Variants in TF observed in about 807,000 individuals in gnomAD.
TF encodes transferrin.
TF carries 55 observed loss-of-function variants against 82.4 expected under a neutral mutation model. The observed-to-expected ratio is 0.67, with a 90% confidence interval of 0.54 to 0.84. TF has a LOEUF of 0.84. Among genes scored for constraint, TF ranks in the 40% least tolerant of loss-of-function variants. The pLI is 0.00. For missense variants in TF, 737 were observed against 868.4 expected (o/e 0.85, Z 1.90); for synonymous variants, 332 against 332.6 (o/e 1.00, Z 0.02).
intron 8 of TF, among the ~76,000 whole-genome samples, chr3:133,758,932 G>C (rs1387586233): frequency 2.0e-5 from 3 of 152,176 alleles, no homozygotes; most frequent in South Asian, 2.1e-4. Context: ...AGGTCATATA[G>C]TGCCCAGAGG....
the TF span, among the ~76,000 whole-genome samples, chr3:133,687,997 G>A: frequency 4.6e-5 from 7 of 152,062 alleles, no homozygotes. Flanking sequence ...ACTTTTGGTG[G>A]AATCTTTTGG....
the TF span, among the ~76,000 whole-genome samples, chr3:133,697,490 C>T: frequency 6.6e-6 from 1 of 152,204 alleles, no homozygotes; most frequent in Admixed American, 6.5e-5. Context: ...AACATCCTCA[C>T]TTTATGGAAA....
the TF span, among the ~76,000 whole-genome samples, chr3:133,675,535 C>T: frequency 6.6e-6 from 1 of 152,160 alleles, no homozygotes; most frequent in Admixed American, 6.5e-5. Context: ...TTGGAGGTTT[C>T]ATAGAAAGGA....
chr3:133,670,491 C>T, the TF span, among the ~76,000 whole-genome samples: 9 of 152,286 alleles, frequency 5.9e-5, no homozygotes, highest in Middle Eastern at 0.014. Flanking sequence ...CCAGTACACA[C>T]GAAGTTTTCA....
chr3:133,777,933 CAGTTAGTCTTTCCACAGG>C (rs1457660099), intron 16 of TF: 3 of 157,148 alleles, frequency 1.9e-5, no homozygotes, highest in Non-Finnish European at 4.2e-5. Flanking sequence ...TGGTGTAGGG[CAGTTAGTCTTTCCACAGG>C]AGTATGCAGA....
chr3:133,736,549 C>T, the TF span, among the ~76,000 whole-genome samples: 1 of 147,602 alleles, frequency 6.8e-6, no homozygotes, highest in East Asian at 2.0e-4. Context: ...GTGCTGTATT[C>T]AGGAGACCCA....
rs75839677 is a variant in TF, at chr3:133,754,681, C to A, written c.502+10C>A. 209 of 1,614,084 alleles carry A rather than the reference C, an allele frequency of 1.3e-4. No homozygotes were observed. The East Asian group carries it at 4.6e-3, about 36-fold the overall frequency. ...AAACCTCTTGAGAAAGGTAAGCTGG[C>A]AGGAGTCTGGGTGCCCTCGAGCAGC... On this transcript the variant is annotated intron_variant, in intron 4 of 16. Coordinates refer to ENST00000402696, the MANE Select transcript of TF (RefSeq NM_001063.4).
At chr3:133,690,472 A>C in the TF span, among the ~76,000 whole-genome samples, 239 of 152,376 alleles carry the variant, frequency 1.6e-3, 2 homozygotes, top group Non-Finnish European at 2.6e-4. Context: ...GTTTGCAGTG[A>C]AATTGGTACG....
At chr3:133,707,324 G>A in the TF span, among the ~76,000 whole-genome samples, 1 of 152,162 alleles carries the variant, frequency 6.6e-6, no homozygotes, top group Non-Finnish European at 1.5e-5. Flanking sequence ...CTGGTGTCAT[G>A]GACCGCAGTG....
At chr3:133,679,569 C>CTTT in the TF span, among the ~76,000 whole-genome samples, 1,234 of 75,368 alleles carry the variant, frequency 0.016, 152 homozygotes, top group African/African-American at 0.048. Context: ...CTTTGTTTGG[C>CTTT]TTTTTTTTTT....
At chr3:133,745,329 G>A (rs1042753123), upstream of TF, among the ~76,000 whole-genome samples, 1 of 152,210 alleles carries the variant, frequency 6.6e-6, no homozygotes, top group African/African-American at 2.4e-5. Flanking sequence ...ACACTTCGTG[G>A]AAGGAATCTT....
At chr3:133,725,359 G>A in the TF span, among the ~76,000 whole-genome samples, 2 of 152,052 alleles carry the variant, frequency 1.3e-5, no homozygotes, top group Non-Finnish European at 2.9e-5. Flanking sequence ...TTCTCCTTGG[G>A]GAGGTCCTTC....
chr3:133,719,626 A>AT, the TF span, among the ~76,000 whole-genome samples: 33 of 151,224 alleles, frequency 2.2e-4, no homozygotes, highest in Admixed American at 7.3e-4. Context: ...AAATTTTACA[A>AT]TTTTTTTTTC....
rs1409941488 is a variant in TF at position 133,795,172 on chromosome 3, G to T, written c.*16552G>T. On this transcript the variant is annotated 3_prime_UTR_variant, in exon 17 of 17. Coordinates refer to ENST00000402696, the MANE Select transcript of TF (RefSeq NM_001063.4). ...AGAGATTCAGTTGTAGCAAATTAAT[G>T]AAGAGACTGCTTAGTTAAGTGAGTA... The T allele has an allele frequency of 6.6e-6, 1 of 152,184 alleles. No individual in the cohort carries two copies. Among genetic ancestry groups the T allele is most frequent in the East Asian group, 1.9e-4 (1 of 5,204 alleles). The allele number at this position is 152,184 out of a possible 1,614,324, so 9.4% of individuals were successfully genotyped here. A position where few individuals can be genotyped will look rare whatever the true frequency, so the allele number is the denominator to read the frequency against.
At chr3:133,729,037 G>A in the TF span, among the ~76,000 whole-genome samples, 3 of 152,248 alleles carry the variant, frequency 2.0e-5, no homozygotes, top group African/African-American at 2.4e-5. Flanking sequence ...AGGAGTACCC[G>A]GCCGTGTAAG....
the TF span, among the ~76,000 whole-genome samples, chr3:133,673,210 C>T: frequency 6.6e-6 from 1 of 152,058 alleles, no homozygotes; most frequent in Non-Finnish European, 1.5e-5. Context: ...GAGTTCTAGC[C>T]AGTGCAGTAA....
chr3:133,771,464 G>A (rs896992907), intron 14 of TF, among the ~76,000 whole-genome samples: 29 of 152,176 alleles, frequency 1.9e-4, no homozygotes, highest in Admixed American at 1.8e-3. Flanking sequence ...TAAGCCGGGC[G>A]CAGTGGCTCA....
chr3:133,748,632 C>T, intron 2 of TF, 48 bp downstream of exon 2: 3 of 1,604,486 alleles, frequency 1.9e-6, no homozygotes, highest in Admixed American at 3.4e-5. Flanking sequence ...CATACTTTCT[C>T]TGTTTCCAGT....
At chr3:133,679,326 A>C in the TF span, among the ~76,000 whole-genome samples, 1 of 152,184 alleles carries the variant, frequency 6.6e-6, no homozygotes, top group Non-Finnish European at 1.5e-5. Context: ...CTGGCCTTTA[A>C]GTCATTTTTA....
Sources: allele counts gnomAD v4.1 joint callset (sites outside exome capture counted in the v4.1 genomes callset), GRCh38; gene constraint gnomAD v4.1.1; transcripts MANE v1.5; gene names NCBI Gene and HGNC (gene_info 2026-07-23, HGNC 2026-07-21).